The following CHSY3 variants were observed in gnomAD, a reference collection of about 807,000 sequenced individuals.
The protein encoded by CHSY3 is N-acetylgalactosaminyl-proteoglycan 3-beta-glucuronosyltransferase 3.
A neutral mutation model predicts 67.2 loss-of-function variants in CHSY3; 35 were observed. The observed-to-expected ratio is 0.52, with a 90% confidence interval of 0.40 to 0.69. CHSY3 has a LOEUF of 0.69. Among genes scored for constraint, CHSY3 ranks in the 30% least tolerant of loss-of-function variants. CHSY3 has a pLI of 0.00. For synonymous variants in CHSY3, 474 were observed against 434.7 expected (o/e 1.09, Z -1.12); for missense variants, 1,069 against 1,138.5 (o/e 0.94, Z 0.88).
intron 2 of CHSY3, among the ~76,000 whole-genome samples, chr5:129,956,822 T>C (rs902897463): frequency 7.2e-5 from 11 of 152,058 alleles, no homozygotes; most frequent in African/African-American, 2.4e-4. Context: ...CATTGGTCTA[T>C]GTGTTTGTTT....
rs543628990 is a variant in CHSY3, at chr5:130,154,206, C to G, written c.1087-30023C>G. On this transcript the variant is annotated intron_variant, in intron 2 of 2. Transcript: ENST00000305031. ...TGCTGGGATTACAGGCATGAGCCAC[C>G]GCGTCTGGCCCTGGCTGTTTTTAAA... 1.5e-3 allele frequency among the ~76,000 whole-genome samples: 233 copies of G among 152,246 alleles called. 2 individuals are homozygous for G. Among genetic ancestry groups the G allele is most frequent in the African/African-American group, 5.3e-3 (221 of 41,536 alleles).
chr5:130,128,617 T>C (rs1768376206), intron 2 of CHSY3, among the ~76,000 whole-genome samples: 1 of 152,162 alleles, frequency 6.6e-6, no homozygotes, highest in Admixed American at 6.6e-5. Context: ...AATAATACTA[T>C]GTTGCATACC....
chr5:130,008,162 G>A (rs958271508), intron 2 of CHSY3, among the ~76,000 whole-genome samples: 8 of 152,176 alleles, frequency 5.3e-5, no homozygotes, highest in African/African-American at 1.2e-4. Flanking sequence ...CAGCGCTGGT[G>A]CACATACATG....
At chr5:130,046,271 G>A (rs1457149940) in intron 2 of CHSY3, among the ~76,000 whole-genome samples, 5 of 152,030 alleles carry the variant, frequency 3.3e-5, no homozygotes, top group South Asian at 2.1e-4. Context: ...ATTATCTATC[G>A]CCAAAGTTAG....
intron 2 of CHSY3, among the ~76,000 whole-genome samples, chr5:130,134,951 C>T (rs1287119511): frequency 6.6e-6 from 1 of 151,814 alleles, no homozygotes; most frequent in Non-Finnish European, 1.5e-5. Flanking sequence ...GCTCACTCCC[C>T]AGTCACCCAT....
rs2149571111 is a variant in CHSY3 at position 129,904,638 on chromosome 5, C to T, written c.-192C>T. On this transcript the variant is annotated 5_prime_UTR_variant, in exon 1 of 3. Transcript: ENST00000305031. ...CCCCGGCCCAGAGCTGAGCGGGAGCCCGGCAGGCAGCTGCAGCCCGCGGCA... is the reference window on the plus strand; with the variant it reads ...CCCCGGCCCAGAGCTGAGCGGGAGCTCGGCAGGCAGCTGCAGCCCGCGGCA... 4 of 908,388 alleles carry T rather than the reference C, an allele frequency of 4.4e-6. No individual in the cohort carries two copies. In the African/African-American group the frequency reaches 6.9e-5, roughly 16 times the overall value. The allele number at this position is 908,388 out of a possible 1,614,324, so 56.3% of individuals were successfully genotyped here. A position where few individuals can be genotyped will look rare whatever the true frequency, so the allele number is the denominator to read the frequency against.
Position 129,906,284 on chromosome 5 carries a change from C to G in CHSY3, c.802+653C>G, listed in dbSNP as rs141056211. On this transcript the variant is annotated intron_variant, in intron 1 of 2. Coordinates refer to ENST00000305031, the MANE Select transcript of CHSY3 (RefSeq NM_175856.5). ...GCTCCTTCCAGCCGCTACAGTTCAGCACCAAGCCGTCCCCCATCCCCCCGC... is the reference window on the plus strand; with the variant it reads ...GCTCCTTCCAGCCGCTACAGTTCAGGACCAAGCCGTCCCCCATCCCCCCGC... Among the ~76,000 whole-genome samples the G allele has an allele frequency of 6.4e-4, 97 of 152,148 alleles. No individual in the cohort carries two copies. In the East Asian group the frequency reaches 0.014, roughly 22 times the overall value.
chr5:129,990,630 A>T (rs913772420), intron 2 of CHSY3, among the ~76,000 whole-genome samples: 1 of 152,182 alleles, frequency 6.6e-6, no homozygotes, highest in Admixed American at 6.5e-5. Flanking sequence ...TAGCATTTTT[A>T]TCAGAGTTTG....
At chr5:130,133,771 T>TAAAAA (rs758023976) in intron 2 of CHSY3, among the ~76,000 whole-genome samples, 1 of 58,118 alleles carries the variant, frequency 1.7e-5, no homozygotes, top group Non-Finnish European at 3.1e-5. Flanking sequence ...GACTCCGTCT[T>TAAAAA]AAAAAAAAAA....
At chr5:130,091,146 G>GCGCGCACA (rs1554082166) in intron 2 of CHSY3, among the ~76,000 whole-genome samples, 42 of 149,548 alleles carry the variant, frequency 2.8e-4, no homozygotes, top group African/African-American at 8.2e-4. Context: ...GCACACGCGC[G>GCGCGCACA]CACACACACA....
intron 2 of CHSY3, among the ~76,000 whole-genome samples, chr5:130,091,655 G>A (rs1340519223): frequency 6.6e-6 from 1 of 152,088 alleles, no homozygotes; most frequent in African/African-American, 2.4e-5. Flanking sequence ...AAAGTTAATA[G>A]GACCATCATG....
intron 2 of CHSY3, among the ~76,000 whole-genome samples, chr5:130,102,524 T>C (rs1478023859): frequency 6.6e-6 from 1 of 152,064 alleles, no homozygotes; most frequent in Non-Finnish European, 1.5e-5. Context: ...ATAATATTTC[T>C]GGTCGTTTTT....
Position 130,122,159 on chromosome 5 carries a change from A to C in CHSY3, c.1087-62070A>C, listed in dbSNP as rs572338759. Among the ~76,000 whole-genome samples the C allele has an allele frequency of 1.3e-4, 19 of 149,436 alleles. No homozygotes were observed. The East Asian group carries it at 3.7e-3, about 29-fold the overall frequency. On this transcript the variant is annotated intron_variant, in intron 2 of 2. Transcript: ENST00000305031. ...AACAATTGATATAATAGCTCAACAA[A>C]TATATACATATATACATACATACAT... is the stretch of plus-strand genomic sequence containing the variant.
intron 2 of CHSY3, among the ~76,000 whole-genome samples, chr5:130,029,028 T>C (rs929477567): frequency 1.3e-5 from 2 of 152,096 alleles, no homozygotes; most frequent in Non-Finnish European, 2.9e-5. Flanking sequence ...TCCCTCCTTC[T>C]TTCCTGTGTG....
At chr5:129,924,717 C>CT (rs200477465) in intron 2 of CHSY3, among the ~76,000 whole-genome samples, 1,717 of 148,698 alleles carry the variant, frequency 0.012, 37 homozygotes, top group African/African-American at 0.038. Flanking sequence ...CATCTTTATT[C>CT]TTTTTTTTTA....
chr5:130,132,488 G>A (rs934666429), intron 2 of CHSY3, among the ~76,000 whole-genome samples: 1 of 152,004 alleles, frequency 6.6e-6, no homozygotes, highest in Admixed American at 6.6e-5. Context: ...TAATATGATG[G>A]GCTAAGTTAT....
chr5:130,178,201 T>G (rs6595941), intron 2 of CHSY3, among the ~76,000 whole-genome samples: 1 of 113,934 alleles, frequency 8.8e-6, no homozygotes, highest in South Asian at 2.6e-4. Context: ...ATATATATAT[T>G]TATATATATA....
At chr5:130,079,738 G>T (rs904588646) in intron 2 of CHSY3, among the ~76,000 whole-genome samples, 3 of 152,018 alleles carry the variant, frequency 2.0e-5, no homozygotes, top group African/African-American at 7.2e-5. Flanking sequence ...ACTTCATAGA[G>T]ATGAAGAAAC....
At chr5:129,952,515 C>T (rs1301940547) in intron 2 of CHSY3, among the ~76,000 whole-genome samples, 1 of 152,114 alleles carries the variant, frequency 6.6e-6, no homozygotes, top group East Asian at 1.9e-4. Context: ...TATGTTTTCA[C>T]CTTATGTTTT....
Sources: allele counts gnomAD v4.1 joint callset (sites outside exome capture counted in the v4.1 genomes callset), GRCh38; gene constraint gnomAD v4.1.1; transcripts MANE v1.5; gene names NCBI Gene and HGNC (gene_info 2026-07-23, HGNC 2026-07-21).